The following PCDHA1 variants were observed in gnomAD, a reference collection of about 807,000 sequenced individuals.
PCDHA1 encodes the protein protocadherin alpha 1.
In PCDHA1, 42 loss-of-function variants were observed where a neutral mutation model predicts 61.3. That is an observed-to-expected ratio of 0.69 (90% confidence interval 0.54 to 0.89). PCDHA1 has a LOEUF of 0.89. Ranked by LOEUF, PCDHA1 falls within the 40% of genes least tolerant of loss-of-function variation. The probability of loss-of-function intolerance (pLI) is 0.00; values close to 1 mark genes in which losing one functional copy is unlikely to be tolerated. For missense variants in PCDHA1, 1,256 were observed against 1,235.3 expected (o/e 1.02, Z -0.25); for synonymous variants, 610 against 553.8 (o/e 1.10, Z -1.43).
chr5:140,893,778 A>G (rs1017243223), intron 1 of PCDHA1, among the ~76,000 whole-genome samples: 2 of 151,936 alleles, frequency 1.3e-5, no homozygotes, highest in South Asian at 4.2e-4. Flanking sequence ...CTTTTCTTTT[A>G]CCGTTTTTAG....
intron 1 of PCDHA1, chr5:140,823,703 G>A: frequency 1.2e-6 from 2 of 1,613,934 alleles, no homozygotes; most frequent in South Asian, 2.2e-5. Flanking sequence ...GAAGCACCGC[G>A]CCACCGCCTT....
chr5:140,863,148 G>A (rs782014665), intron 1 of PCDHA1: 1 of 616,420 alleles, frequency 1.6e-6, no homozygotes, highest in Non-Finnish European at 3.1e-6. Context: ...TGCTGGTGAA[G>A]GACCACTGCG....
chr5:140,810,909 C>A (rs1764754535), intron 1 of PCDHA1: 1 of 152,040 alleles, frequency 6.6e-6, no homozygotes, highest in Non-Finnish European at 1.5e-5. Flanking sequence ...TCTGTGGTAT[C>A]TTTTATTTCA....
At chr5:140,884,917 C>G (rs1343503909) in intron 1 of PCDHA1, among the ~76,000 whole-genome samples, 1 of 152,168 alleles carries the variant, frequency 6.6e-6, no homozygotes, top group Non-Finnish European at 1.5e-5. Flanking sequence ...CTTAATAGTT[C>G]TAAGTATTTA....
At chr5:140,900,295 TTTA>T (rs1335445889) in intron 1 of PCDHA1, among the ~76,000 whole-genome samples, 3 of 152,152 alleles carry the variant, frequency 2.0e-5, no homozygotes, top group Non-Finnish European at 4.4e-5. Context: ...TTTCTGTTTT[TTTA>T]GACAGTCTCA....
rs782099624 is a variant in PCDHA1 at position 140,786,683 on chromosome 5, C to T, written c.393C>T (p.Pro131=). 1 of 1,614,232 alleles carries T rather than the reference C, an allele frequency of 6.2e-7. No homozygotes were observed. Among genetic ancestry groups the T allele is most frequent in the Non-Finnish European group, 8.5e-7 (1 of 1,180,042 alleles). Residue 131 remains proline, a synonymous_variant, in exon 1 of 4, where the codon CCC becomes CCT. Transcript: ENST00000504120. The stretch of plus-strand genomic sequence containing the variant: ...TGAAAGACATTAACGATAATCCACC[C>T]GTCTTCAGGGGCAGAGAACAAATAA... ...VKVKDINDNP[P]VFRGREQIIF...
intron 1 of PCDHA1, among the ~76,000 whole-genome samples, chr5:140,854,986 T>C (rs1266471979): frequency 2.0e-5 from 3 of 149,894 alleles, no homozygotes; most frequent in African/African-American, 7.3e-5. Context: ...TTAAGATTCT[T>C]TTTGCCCGTG....
At position 140,839,044 on chromosome 5, in the gene PCDHA1, C is replaced by A. The variant is rs2150294320; in HGVS notation, c.2394+50360C>A. 1.3e-3 allele frequency among the ~76,000 whole-genome samples: 202 copies of A among 152,030 alleles called. 2 individuals are homozygous for A. Among genetic ancestry groups the A allele is most frequent in the Non-Finnish European group, 2.1e-3 (142 of 67,974 alleles). On this transcript the variant is annotated intron_variant, in intron 1 of 3. Transcript: ENST00000504120. ...GGATATGTTACTGTTTTCTTTTCAACGTGAATAAGGATAGAGGTATGCAAA... is the reference window on the plus strand; with the variant it reads ...GGATATGTTACTGTTTTCTTTTCAAAGTGAATAAGGATAGAGGTATGCAAA...
chr5:140,974,467 A>C (rs2096628825), intron 1 of PCDHA1, among the ~76,000 whole-genome samples: 1 of 152,228 alleles, frequency 6.6e-6, no homozygotes, highest in Non-Finnish European at 1.5e-5. Context: ...TTCAGAGGAA[A>C]GTATTCCACC....
chr5:140,987,799 A>C (rs2097268880), intron 3 of PCDHA1, among the ~76,000 whole-genome samples: 2 of 152,140 alleles, frequency 1.3e-5, no homozygotes, highest in South Asian at 4.1e-4. Flanking sequence ...GATTTTTTTA[A>C]AGTGCCTGTC....
intron 1 of PCDHA1, among the ~76,000 whole-genome samples, chr5:140,976,461 G>A (rs935204153): frequency 1.3e-5 from 2 of 152,120 alleles, no homozygotes; most frequent in African/African-American, 4.8e-5. Flanking sequence ...TGGGGAAGAA[G>A]AATTGCTTGA....
intron 1 of PCDHA1, among the ~76,000 whole-genome samples, chr5:140,791,081 A>G (rs1285555093): frequency 2.0e-5 from 3 of 152,240 alleles, no homozygotes; most frequent in African/African-American, 4.8e-5. Context: ...TCCACAAACT[A>G]GTAAGGTATC....
At chr5:140,913,003 T>C (rs1049022016) in intron 1 of PCDHA1, among the ~76,000 whole-genome samples, 29 of 152,204 alleles carry the variant, frequency 1.9e-4, no homozygotes, top group African/African-American at 7.0e-4. Flanking sequence ...TAGTATTTTG[T>C]TGAGGATTTT....
intron 1 of PCDHA1, chr5:140,796,755 G>A: frequency 6.2e-7 from 1 of 1,614,138 alleles, no homozygotes; most frequent in Non-Finnish European, 8.5e-7. Context: ...TGCGCGCAGT[G>A]GACGCTGACT....
intron 1 of PCDHA1, chr5:140,877,053 G>A: frequency 1.9e-6 from 3 of 1,612,784 alleles, no homozygotes; most frequent in African/African-American, 1.3e-5. Context: ...ACCACGAGGA[G>A]CTGGAGCTGC....
At chr5:140,922,092 C>G (rs188826380) in intron 1 of PCDHA1, among the ~76,000 whole-genome samples, 2 of 152,184 alleles carry the variant, frequency 1.3e-5, no homozygotes. Context: ...GGTATTTCTA[C>G]CAACTATAGA....
At chr5:140,864,471 G>A (rs924017911) in intron 1 of PCDHA1, 23 of 152,218 alleles carry the variant, frequency 1.5e-4, no homozygotes, top group African/African-American at 5.3e-4. Context: ...TTTTTGAGAT[G>A]TTGATTGCAG....
At position 140,843,705 on chromosome 5, in the gene PCDHA1, A is replaced by G. The variant is rs1779053094; in HGVS notation, c.2394+55021A>G. ...GAAGAGCAAGATTTAAATGTTGATC[A>G]TGGCCTCAAAGTAAGTCCATTTAAA... On this transcript the variant is annotated intron_variant, in intron 1 of 3. Transcript: ENST00000504120. 5.7e-6 allele frequency: 9 copies of G among 1,579,940 alleles called. No individual in the cohort carries two copies. The African/African-American group carries it at 6.7e-5, about 12-fold the overall frequency.
At position 140,796,520 on chromosome 5, in the gene PCDHA1, C is replaced by G. The variant is rs1554119955; in HGVS notation, c.2394+7836C>G. The G allele has an allele frequency of 2.2e-5, 35 of 1,612,446 alleles. No homozygotes were observed. Among genetic ancestry groups the G allele is most frequent in the Non-Finnish European group, 2.8e-5 (33 of 1,179,826 alleles). On this transcript the variant is annotated intron_variant, in intron 1 of 3. Transcript: ENST00000504120. ...CACGCGGAGAGCGGCAAGGTGTACG[C>G]GCTGCAGCCGCTGGACCACGAGGAA...
Sources: allele counts gnomAD v4.1 joint callset (sites outside exome capture counted in the v4.1 genomes callset), GRCh38; gene constraint gnomAD v4.1.1; transcripts MANE v1.5; gene names NCBI Gene and HGNC (gene_info 2026-07-23, HGNC 2026-07-21).